LTBR: variants seen among roughly 807,000 people sequenced by gnomAD.
The protein encoded by LTBR is tumor necrosis factor receptor superfamily member 3.
In LTBR, 15 loss-of-function variants were observed where a neutral mutation model predicts 45.4. The observed-to-expected ratio is 0.33, with a 90% CI of 0.22 to 0.51. LTBR has a LOEUF of 0.51. Among genes scored for constraint, LTBR ranks in the 20% least tolerant of loss-of-function variants. The pLI is 0.97. For synonymous variants in LTBR, 228 were observed against 231.0 expected (o/e 0.99, Z 0.12); for missense variants, 450 against 565.5 (o/e 0.80, Z 2.07).
chr12:6,384,119 G>A, upstream of LTBR: 1 of 1,264,394 alleles, frequency 7.9e-7, no homozygotes, highest in Non-Finnish European at 9.9e-7. Context: ...GGCCGGCCTG[G>A]CTCCCAGCGC....
At chr12:6,377,158 G>C in intron 1 of LTBR, 6 of 1,039,100 alleles carry the variant, frequency 5.8e-6, no homozygotes, top group Admixed American at 2.2e-5. Flanking sequence ...GGTCCAACCT[G>C]GTCTGTGGCT....
At chr12:6,375,556 A>T (rs1439446032) in exon 1 of LTBR, 16 of 1,532,552 alleles carry the variant, frequency 1.0e-5, no homozygotes, top group South Asian at 7.1e-5. Flanking sequence ...CCGGCCAGGG[A>T]TGGAAGCGAC....
In LTBR at chr12:6,384,637, A is replaced by C; in HGVS notation, c.146A>C (p.Glu49Ala). Residue 49 changes from glutamate (E) to alanine (A), a missense_variant, in exon 2 of 10, where the codon GAA (glutamate) becomes GCA (alanine). Around this residue, in one of 3 missense-constraint regions of LTBR, gnomAD observed 367 missense variants for 435.4 expected, o/e 0.84. Transcript: ENST00000228918. ...CAGACCTGCAGGGACCAGGAAAAGG[A>C]ATACTATGAGCCCCAGCACCGCATC... ...ENQTCRDQEK[E>A]YYEPQHRICC... The C allele has an allele frequency of 1.2e-6, 2 of 1,614,180 alleles. No individual in the cohort carries two copies. The highest frequency in any genetic ancestry group is 2.2e-5 in the South Asian group (2 of 91,078).
At chr12:6,376,176 C>T (rs1047445941) in intron 1 of LTBR, 1 of 985,734 alleles carries the variant, frequency 1.0e-6, no homozygotes, top group African/African-American at 1.7e-5. Flanking sequence ...TCCCCGCTCA[C>T]TAAGTGGGAG....
Position 6,385,369 on chromosome 12 carries a change from C to T in LTBR, c.462C>T (p.Ala154=), listed in dbSNP as rs746348336. 1.1e-4 allele frequency: 170 copies of T among 1,613,946 alleles called. 1 individual carries two copies. The highest frequency in any genetic ancestry group is 1.0e-3 in the South Asian group (91 of 91,096). ...LLSDCPPGTE[A]ELKDEVGKGN... The stretch of plus-strand genomic sequence containing the variant: ...CTGACTGCCCGCCTGGCACTGAAGC[C>T]GAGCTCAAAGGTCAGAGGTCCCTGA... The change falls in exon 4 of 10, where the codon GCC becomes GCT. Residue 154 remains alanine, a synonymous_variant. Coordinates refer to ENST00000228918, the MANE Select transcript of LTBR (RefSeq NM_002342.3).
chr12:6,387,804 C>A, intron 6 of LTBR: 1 of 451,002 alleles, frequency 2.2e-6, no homozygotes. Flanking sequence ...CTAGAACCTG[C>A]CCTGAGCAAG....
exon 1 of LTBR, chr12:6,375,441 C>T (rs1049241325): frequency 2.1e-4 from 315 of 1,534,050 alleles, no homozygotes; most frequent in Non-Finnish European, 2.5e-4. Flanking sequence ...TCCCAGGTTG[C>T]GGCTGGACTG....
At chr12:6,382,036 A>G (rs1412251455), upstream of LTBR, among the ~76,000 whole-genome samples, 1 of 152,186 alleles carries the variant, frequency 6.6e-6, no homozygotes, top group Non-Finnish European at 1.5e-5. Context: ...ATATGCAAGA[A>G]TACACAAAAG....
intron 4 of LTBR, 160 bp downstream of exon 4, chr12:6,385,539 A>G: frequency 1.2e-6 from 1 of 869,480 alleles, no homozygotes; most frequent in Non-Finnish European, 1.7e-6. Context: ...AGGGTTCTGG[A>G]GGGACATGGA....
intron 4 of LTBR, 162 bp downstream of exon 4, chr12:6,385,541 G>A: frequency 2.3e-6 from 2 of 869,284 alleles, no homozygotes; most frequent in Non-Finnish European, 3.5e-6. Flanking sequence ...GGTTCTGGAG[G>A]GACATGGAAC....
Position 6,386,056 on chromosome 12 carries a change from C to T in LTBR, c.473-10C>T, listed in dbSNP as rs540084820. On this transcript the variant is annotated splice_polypyrimidine_tract_variant and intron_variant, in intron 4 of 9. Coordinates refer to ENST00000228918, the MANE Select transcript of LTBR (RefSeq NM_002342.3). This position sits in a 1 kb window ranked among gnomAD's most constrained non-coding sequence, Gnocchi z 4.1. The stretch of plus-strand genomic sequence containing the variant: ...CATTCACCCTGGCTGGCCTGCCTTT[C>T]TCTTGCCAGATGAAGTTGGGAAGGG... 7 of 1,607,944 alleles carry T rather than the reference C, an allele frequency of 4.4e-6. No individual in the cohort carries two copies. The highest frequency in any genetic ancestry group is 1.7e-4 in the Middle Eastern group (1 of 6,050).
Position 6,386,470 on chromosome 12 carries a change from G to GGA in LTBR, c.667+27_667+28insAG, listed in dbSNP as rs377408723. On this transcript the variant is annotated intron_variant, in intron 6 of 9. Coordinates refer to ENST00000228918, the MANE Select transcript of LTBR (RefSeq NM_002342.3). This position sits in a 1 kb window ranked among gnomAD's most constrained non-coding sequence, Gnocchi z 4.1. ...GTGAGGGACCAGGGCTGAGGGACAC[G>GGA]GGGGGGGCGCCTCTGAAAATGCCTT... 1.8e-5 allele frequency: 18 copies of GGA among 999,030 alleles called. 1 individual carries two copies. Among genetic ancestry groups the GGA allele is most frequent in the African/African-American group, 8.0e-5 (1 of 12,574 alleles). The allele number at this position is 999,030 out of a possible 1,614,324, so 61.9% of individuals were successfully genotyped here.
chr12:6,390,833 C>G lies in LTBR; in HGVS notation c.1204C>G (p.Pro402Ala). ...GDPGPPGLSTPHQEDGKAWHL... is the reference protein window; with the variant it reads ...GDPGPPGLSTAHQEDGKAWHL... The stretch of plus-strand genomic sequence containing the variant: ...CCCTGGCCCTCCCGGGCTCTCTACA[C>G]CCCACCAGGAAGATGGCAAGGCTTG... Residue 402 changes from proline to alanine, a missense_variant, in exon 10 of 10, where the codon CCC (proline) becomes GCC (alanine). By Grantham distance (27) the Pro-to-Ala change is conservative. This residue lies in a region of LTBR where 71 missense variants were observed against 90.4 expected (regional missense o/e 0.79). Transcript: ENST00000228918. 1 of 1,611,962 alleles carries G rather than the reference C, an allele frequency of 6.2e-7. No individual in the cohort carries two copies. Among genetic ancestry groups the G allele is most frequent in the Non-Finnish European group, 8.5e-7 (1 of 1,178,874 alleles).
In LTBR at chr12:6,385,266, G is replaced by A. The variant is rs765174366; in HGVS notation, c.359G>A (p.Arg120Gln). The A allele has an allele frequency of 1.9e-6, 3 of 1,614,050 alleles. No homozygotes were observed. Among genetic ancestry groups the A allele is most frequent in the African/African-American group, 1.3e-5 (1 of 75,038 alleles). The change falls in exon 4 of 10, where the codon CGG (arginine) becomes CAG (glutamine). Residue 120 changes from arginine to glutamine, a missense_variant. Arg to Gln is a conservative substitution (Grantham distance 43). Around this residue, in one of 3 missense-constraint regions of LTBR, gnomAD observed 367 missense variants for 435.4 expected, o/e 0.84. Transcript: ENST00000228918. ...GAGATTGCCCCCTGCACAAGCAAAC[G>A]GAAGACCCAGTGCCGCTGCCAGCCG... The part of the protein sequence containing the change: ...LEEIAPCTSK[R>Q]KTQCRCQPGM...
intron 2 of LTBR, 81 bp from the exon 3 acceptor site, chr12:6,384,941 A>G: frequency 6.4e-7 from 1 of 1,562,796 alleles, no homozygotes; most frequent in Non-Finnish European, 8.8e-7. Context: ...ACCGAGGGAA[A>G]GGCCAGGGTC....
chr12:6,388,346 C>T lies in LTBR; in HGVS notation c.668-52C>T, dbSNP rs1279417787. 7.4e-7 allele frequency: 1 copy of T among 1,349,900 alleles called. No homozygotes were observed. The allele number at this position is 1,349,900 out of a possible 1,614,324, so 83.6% of individuals were successfully genotyped here. Reference sequence around the variant, plus strand: ...TGGAAAGCTCTTCCTTCTCCTCCTCCCCTCTGCCCTTCTTGGGGCTGTGAT... The same window carrying T: ...TGGAAAGCTCTTCCTTCTCCTCCTCTCCTCTGCCCTTCTTGGGGCTGTGAT... On this transcript the variant is annotated intron_variant, in intron 6 of 9. Transcript: ENST00000228918. This position sits in a 1 kb window ranked among gnomAD's most constrained non-coding sequence, Gnocchi z 4.3.
chr12:6,381,869 A>T (rs1948988365), upstream of LTBR, among the ~76,000 whole-genome samples: 1 of 152,178 alleles, frequency 6.6e-6, no homozygotes, highest in African/African-American at 2.4e-5. Flanking sequence ...GCTACTCGGG[A>T]GGTTGAGGCA....
intron 8 of LTBR, chr12:6,389,885 T>C (rs1949090873): frequency 1.9e-6 from 1 of 525,810 alleles, no homozygotes; most frequent in Non-Finnish European, 3.4e-6. Context: ...AGTCCAAGAG[T>C]TCATGAGCCT....
At chr12:6,377,870 G>T (rs904768107) in intron 1 of LTBR, 1 of 380,884 alleles carries the variant, frequency 2.6e-6, no homozygotes, top group African/African-American at 2.1e-5. Context: ...TGAGCCAAAG[G>T]GTGGTGACCC....
Sources: gnomAD v4.1 joint callset for allele counts (sites outside exome capture counted in the v4.1 genomes callset) on GRCh38, gnomAD v4.1.1 for gene constraint, gnomAD v4.1.1 regional missense constraint, Gnocchi (gnomAD v3.1) non-coding constraint, MANE v1.5 for transcripts, NCBI Gene and HGNC (gene_info 2026-07-23, HGNC 2026-07-21) for gene names.